Variants in PTPRO observed in about 807,000 individuals in gnomAD.
PTPRO encodes the protein protein tyrosine phosphatase receptor type O.
In PTPRO, 62 loss-of-function variants were observed where a neutral mutation model predicts 145.2. The observed-to-expected ratio is 0.43, with a 90% CI of 0.35 to 0.53. The LOEUF (loss-of-function observed/expected upper bound fraction) is 0.53. Ranked by LOEUF, PTPRO falls within the 20% of genes least tolerant of loss-of-function variation. The probability of loss-of-function intolerance (pLI) is 0.01; values close to 1 mark genes in which losing one functional copy is unlikely to be tolerated. For synonymous variants in PTPRO, 565 were observed against 514.7 expected (o/e 1.10, Z -1.32); for missense variants, 1,345 against 1,482.7 (o/e 0.91, Z 1.53).
intron 1 of PTPRO, among the ~76,000 whole-genome samples, chr12:15,480,886 ATC>A (rs1941765710): frequency 1.3e-5 from 2 of 152,024 alleles, no homozygotes; most frequent in Admixed American, 1.3e-4. Context: ...GCCCTCCAAA[ATC>A]TCTCTGCTTT....
At chr12:15,470,007 G>A (rs1327394278) in intron 1 of PTPRO, among the ~76,000 whole-genome samples, 2 of 152,112 alleles carry the variant, frequency 1.3e-5, no homozygotes, top group African/African-American at 2.4e-5. Context: ...GAGGTTCAAA[G>A]AATAAAAGTG....
intron 2 of PTPRO, among the ~76,000 whole-genome samples, chr12:15,484,518 T>C (rs546625524): frequency 1.3e-3 from 197 of 152,282 alleles, no homozygotes; most frequent in African/African-American, 4.6e-3. Flanking sequence ...TTCAAATTCA[T>C]GATTGGACCA....
rs140328491 is a variant in PTPRO, at chr12:15,492,926, C to T, written c.350-4319C>T. Reference sequence around the variant, plus strand: ...GAGATGATTATGAGAATTTCCAAGACTTGAAAAATGACATGAATTCACAGA... The same window carrying T: ...GAGATGATTATGAGAATTTCCAAGATTTGAAAAATGACATGAATTCACAGA... On this transcript the variant is annotated intron_variant, in intron 2 of 26. Transcript: ENST00000281171. Among the ~76,000 whole-genome samples the T allele has an allele frequency of 1.7e-3, 258 of 152,200 alleles. 3 individuals are homozygous for T. The highest frequency in any genetic ancestry group is 6.8e-3 in the Middle Eastern group (2 of 294).
intron 1 of PTPRO, among the ~76,000 whole-genome samples, chr12:15,482,396 C>A (rs1251233534): frequency 6.6e-6 from 1 of 151,856 alleles, no homozygotes; most frequent in Non-Finnish European, 1.5e-5. Context: ...GGGGGACAGC[C>A]AAAGGCTTGT....
chr12:15,443,029 A>G (rs1158635635), intron 1 of PTPRO, among the ~76,000 whole-genome samples: 2 of 152,200 alleles, frequency 1.3e-5, no homozygotes, highest in Admixed American at 6.5e-5. Context: ...AATCCTAAAA[A>G]GAAAGAACAA....
chr12:15,534,963 G>A (rs1353637109), intron 12 of PTPRO, among the ~76,000 whole-genome samples: 1 of 152,130 alleles, frequency 6.6e-6, no homozygotes, highest in Non-Finnish European at 1.5e-5. Context: ...GAAGAGAAGT[G>A]GACAGAATTC....
intron 1 of PTPRO, among the ~76,000 whole-genome samples, chr12:15,347,758 A>G (rs1867276813): frequency 6.6e-6 from 1 of 152,268 alleles, no homozygotes; most frequent in Non-Finnish European, 1.5e-5. Context: ...TATATGATAA[A>G]TTGGAGGTCA....
intron 1 of PTPRO, among the ~76,000 whole-genome samples, chr12:15,336,394 T>C (rs967258264): frequency 3.3e-5 from 5 of 152,216 alleles, no homozygotes; most frequent in African/African-American, 1.2e-4. Flanking sequence ...TGTATTTGCA[T>C]TGTTAAAGAC....
intron 11 of PTPRO, among the ~76,000 whole-genome samples, chr12:15,525,412 G>A (rs1344122839): frequency 1.3e-5 from 2 of 152,118 alleles, no homozygotes; most frequent in African/African-American, 4.8e-5. Context: ...AAAAGAGAGT[G>A]GCTCAAACAA....
chr12:15,334,599 T>G (rs1210666361), intron 1 of PTPRO, among the ~76,000 whole-genome samples: 1 of 152,172 alleles, frequency 6.6e-6, no homozygotes, highest in African/African-American at 2.4e-5. Flanking sequence ...GTCTATTAAC[T>G]GTACTGAAAA....
intron 1 of PTPRO, among the ~76,000 whole-genome samples, chr12:15,360,883 T>TATAC (rs1565585664): frequency 7.4e-6 from 1 of 135,450 alleles, no homozygotes; most frequent in Non-Finnish European, 1.6e-5. Context: ...TATACACACA[T>TATAC]ACACATGTGT....
chr12:15,505,839 T>C (rs949313844), intron 6 of PTPRO, among the ~76,000 whole-genome samples: 1 of 152,244 alleles, frequency 6.6e-6, no homozygotes, highest in African/African-American at 2.4e-5. Context: ...ATTTATTATA[T>C]GTTTATGTCG....
Position 15,448,938 on chromosome 12 carries a change from AC to A in PTPRO, c.76-35035del, listed in dbSNP as rs145553616. 1.1e-4 allele frequency among the ~76,000 whole-genome samples: 16 copies of A among 152,286 alleles called. No homozygotes were observed. The East Asian group carries it at 2.9e-3, about 28-fold the overall frequency. ...AGAAGGACAAATACTATATGGACTT[AC>A]TTGTATGTGGAATCTGAAAAAAAAG... On this transcript the variant is annotated intron_variant, in intron 1 of 26. Coordinates refer to ENST00000281171, the MANE Select transcript of PTPRO (RefSeq NM_030667.3).
At chr12:15,458,042 G>A (rs534201650) in intron 1 of PTPRO, among the ~76,000 whole-genome samples, 16 of 152,210 alleles carry the variant, frequency 1.1e-4, no homozygotes, top group South Asian at 4.2e-4. Flanking sequence ...AAGCAGTTCC[G>A]GTAGTGGTGA....
At chr12:15,364,845 A>G (rs1938313869) in intron 1 of PTPRO, among the ~76,000 whole-genome samples, 2 of 152,168 alleles carry the variant, frequency 1.3e-5, no homozygotes, top group South Asian at 4.1e-4. Context: ...CATTAATTGA[A>G]CAACACAAGC....
At chr12:15,562,904 A>G (rs1231325414) in intron 17 of PTPRO, among the ~76,000 whole-genome samples, 1 of 152,248 alleles carries the variant, frequency 6.6e-6, no homozygotes, top group Non-Finnish European at 1.5e-5. Flanking sequence ...GAAGAATGAT[A>G]TAATATACTA....
intron 1 of PTPRO, among the ~76,000 whole-genome samples, chr12:15,448,189 A>G (rs1313855357): frequency 1.3e-5 from 2 of 151,918 alleles, no homozygotes; most frequent in Non-Finnish European, 2.9e-5. Context: ...TAATTCTCCT[A>G]CTTACCACAT....
intron 25 of PTPRO, among the ~76,000 whole-genome samples, chr12:15,591,810 C>G (rs1944558929): frequency 6.6e-6 from 1 of 151,902 alleles, no homozygotes; most frequent in East Asian, 1.9e-4. Flanking sequence ...TTGCAGTGAG[C>G]CAAGATCGTG....
chr12:15,455,951 C>T (rs1359531952), intron 1 of PTPRO, among the ~76,000 whole-genome samples: 1 of 152,114 alleles, frequency 6.6e-6, no homozygotes, highest in Admixed American at 6.6e-5. Context: ...TACGTGTATA[C>T]CTATGTAACA....
Sources: gnomAD v4.1 joint callset for allele counts (sites outside exome capture counted in the v4.1 genomes callset) on GRCh38, gnomAD v4.1.1 for gene constraint, MANE v1.5 for transcripts, NCBI Gene and HGNC (gene_info 2026-07-23, HGNC 2026-07-21) for gene names.